The following DLG2 variants were observed in gnomAD, a reference collection of about 807,000 sequenced individuals.
The protein encoded by DLG2 is disks large homolog 2.
In DLG2, 45 loss-of-function variants were observed where a neutral mutation model predicts 132.5. The ratio of observed to expected loss-of-function variants is 0.34; its 90% CI spans 0.27 to 0.44. The LOEUF (loss-of-function observed/expected upper bound fraction) is 0.44, where lower values mean the gene tolerates loss of function less well. Ranked by LOEUF, DLG2 falls within the 20% of genes least tolerant of loss-of-function variation. DLG2 has a pLI of 1.00. For missense variants in DLG2, 1,045 were observed against 1,196.9 expected, an observed-to-expected ratio of 0.87 and a Z score of 1.87; for synonymous variants, 424 against 419.6, an observed-to-expected ratio of 1.01 and a Z score of -0.13.
intron 3 of DLG2, among the ~76,000 whole-genome samples, chr11:85,540,161 G>A (rs1246572882): frequency 6.6e-6 from 1 of 152,192 alleles, no homozygotes; most frequent in South Asian, 2.1e-4. Flanking sequence ...GGTCCCTGGT[G>A]AGGGATCCAC....
intron 6 of DLG2, among the ~76,000 whole-genome samples, chr11:84,916,377 A>AAAAAAAAG (rs2092469360): frequency 1.3e-5 from 2 of 148,618 alleles, no homozygotes. Flanking sequence ...AAAAAAAAAA[A>AAAAAAAAG]AAGAAGCAGT....
At chr11:84,307,735 G>C in intron 7 of DLG2, among the ~76,000 whole-genome samples, 1 of 142,520 alleles carries the variant, frequency 7.0e-6, no homozygotes, top group African/African-American at 2.6e-5. Flanking sequence ...GGACCCTCGC[G>C]GTGAGTGTTA....
intron 11 of DLG2, among the ~76,000 whole-genome samples, chr11:84,028,050 A>AT (rs1434765507): frequency 4.0e-5 from 6 of 148,952 alleles, no homozygotes; most frequent in African/African-American, 1.5e-4. Flanking sequence ...ACTTGTCCAG[A>AT]TTAAAAAAAA....
intron 3 of DLG2, among the ~76,000 whole-genome samples, chr11:85,368,634 G>A (rs570865824): frequency 2.0e-5 from 3 of 152,136 alleles, no homozygotes; most frequent in Non-Finnish European, 2.9e-5. Context: ...CAGAACCAAC[G>A]CTTTCAATTC....
chr11:83,558,848 C>CGTGTGTGTGTGT lies in DLG2; in HGVS notation c.1941-17002_1941-16991dup, dbSNP rs3039336. 7.0e-3 allele frequency among the ~76,000 whole-genome samples: 996 copies of CGTGTGTGTGTGT among 142,310 alleles called. 18 individuals are homozygous for CGTGTGTGTGTGT. Among genetic ancestry groups the CGTGTGTGTGTGT allele is most frequent in the South Asian group, 0.031 (129 of 4,220 alleles). 93.4% of individuals were successfully genotyped at this position (142,310 alleles called of 152,430 possible). ...CCCGGTAAAAAACAGTGCTAGATGT[C>CGTGTGTGTGTGT]GTGTGTGTGTGTGTGTGTGTGTGTG... On this transcript the variant is annotated intron_variant, in intron 19 of 27. Transcript: ENST00000376104.
intron 17 of DLG2, among the ~76,000 whole-genome samples, chr11:83,805,694 A>T (rs550256723): frequency 1.3e-5 from 2 of 152,206 alleles, no homozygotes; most frequent in South Asian, 4.1e-4. Flanking sequence ...AGATGCTCAT[A>T]TTCATCTGTG....
intron 11 of DLG2, among the ~76,000 whole-genome samples, chr11:84,028,711 C>G (rs1047828901): frequency 2.0e-5 from 3 of 152,044 alleles, no homozygotes; most frequent in Non-Finnish European, 2.9e-5. Flanking sequence ...CTGGAGTGCC[C>G]TTCTCCAAAC....
chr11:84,017,643 C>T (rs1158187034), intron 11 of DLG2, among the ~76,000 whole-genome samples: 1 of 152,042 alleles, frequency 6.6e-6, no homozygotes, highest in Non-Finnish European at 1.5e-5. Context: ...TGGTGTTTCA[C>T]ACAAAAATTA....
Position 83,484,945 on chromosome 11 carries a change from A to C in DLG2, c.2194-717T>G, listed in dbSNP as rs113814605. On this transcript the variant is annotated intron_variant, in intron 21 of 27. Transcript: ENST00000376104. ...AGCCCCAAGCCCTCATTTTATAGAC[A>C]GGGAGCCAGAGGCACAGAGAAGTTG... 5.3e-3 allele frequency among the ~76,000 whole-genome samples: 813 copies of C among 152,274 alleles called. 6 individuals carry two copies. Among genetic ancestry groups the C allele is most frequent in the African/African-American group, 0.019 (777 of 41,560 alleles).
chr11:84,840,946 A>G (rs2080573412), intron 6 of DLG2, among the ~76,000 whole-genome samples: 1 of 151,762 alleles, frequency 6.6e-6, no homozygotes, highest in Non-Finnish European at 1.5e-5. Flanking sequence ...TATGTAACAA[A>G]CCTACGTGTT....
chr11:84,263,078 C>A (rs2097568298), intron 7 of DLG2, among the ~76,000 whole-genome samples: 1 of 152,104 alleles, frequency 6.6e-6, no homozygotes, highest in African/African-American at 2.4e-5. Flanking sequence ...GTTTCAGACC[C>A]AGTAAGTTAA....
chr11:83,710,676 A>G (rs185741774), intron 18 of DLG2, among the ~76,000 whole-genome samples: 6 of 152,296 alleles, frequency 3.9e-5, no homozygotes, highest in Middle Eastern at 3.4e-3. Flanking sequence ...TGAAACTGGT[A>G]CAAGGACATT....
intron 7 of DLG2, among the ~76,000 whole-genome samples, chr11:84,339,275 C>T (rs1023958782): frequency 3.3e-5 from 5 of 152,174 alleles, no homozygotes; most frequent in African/African-American, 9.7e-5. Flanking sequence ...GGGGCCTACA[C>T]TTATGAAGCA....
intron 6 of DLG2, among the ~76,000 whole-genome samples, chr11:84,916,302 T>C (rs2092456664): frequency 3.4e-5 from 4 of 118,616 alleles, no homozygotes; most frequent in South Asian, 2.9e-4. Context: ...TGAGCCGAGA[T>C]TGCGCCACTG....
At chr11:84,332,354 G>A (rs1600074976) in intron 7 of DLG2, among the ~76,000 whole-genome samples, 1 of 151,746 alleles carries the variant, frequency 6.6e-6, no homozygotes, top group Admixed American at 6.6e-5. Flanking sequence ...TGGGACTACA[G>A]GCGCCCGCCA....
chr11:83,939,442 T>C (rs2082180795), intron 14 of DLG2, among the ~76,000 whole-genome samples: 1 of 152,128 alleles, frequency 6.6e-6, no homozygotes, highest in Non-Finnish European at 1.5e-5. Context: ...GCAAGGCCAT[T>C]CCTTTTTGAG....
chr11:85,580,655 T>C (rs781718678), intron 3 of DLG2, among the ~76,000 whole-genome samples: 2 of 152,222 alleles, frequency 1.3e-5, no homozygotes, highest in Middle Eastern at 3.2e-3. Context: ...GGGCATGGAA[T>C]GGCTATAAAA....
At chr11:85,039,815 T>A (rs1396248883) in intron 6 of DLG2, among the ~76,000 whole-genome samples, 1 of 151,990 alleles carries the variant, frequency 6.6e-6, no homozygotes, top group Non-Finnish European at 1.5e-5. Flanking sequence ...CTTTGTATCT[T>A]TAATATCTAG....
chr11:85,466,005 G>C (rs993045205), intron 3 of DLG2, among the ~76,000 whole-genome samples: 30 of 152,118 alleles, frequency 2.0e-4, no homozygotes, highest in African/African-American at 7.0e-4. Context: ...ATTCTAACTG[G>C]CGTGAGATGG....
Sources: gnomAD v4.1 joint callset for allele counts (sites outside exome capture counted in the v4.1 genomes callset) on GRCh38, gnomAD v4.1.1 for gene constraint, MANE v1.5 for transcripts, NCBI Gene and HGNC (gene_info 2026-07-23, HGNC 2026-07-21) for gene names.